The following MFGE8 variants were observed in gnomAD, a reference collection of about 807,000 sequenced individuals.
MFGE8 encodes the protein milk fat globule EGF and factor V/VIII domain containing.
MFGE8 carries 34 observed loss-of-function variants against 42.6 expected under a neutral mutation model. That is an observed-to-expected ratio of 0.80 (90% CI 0.61 to 1.06). MFGE8 has a LOEUF of 1.06. Among genes scored for constraint, MFGE8 ranks in the 50% least tolerant of loss-of-function variants. MFGE8 has a pLI of 0.00. For missense variants in MFGE8, 510 were observed against 516.9 expected (o/e 0.99, Z 0.13); for synonymous variants, 230 against 214.8 (o/e 1.07, Z -0.62).
In MFGE8 at chr15:88,899,085, C is replaced by T; in HGVS notation, c.*310G>A. The T allele has an allele frequency of 2.2e-6, 1 of 463,416 alleles. No individual in the cohort carries two copies. The highest frequency in any genetic ancestry group is 2.2e-5 in the South Asian group (1 of 45,566). 28.7% of individuals were successfully genotyped at this position (463,416 alleles called of 1,614,324 possible). A position where few individuals can be genotyped will look rare whatever the true frequency, so the allele number is the denominator to read the frequency against. Reference sequence around the variant, plus strand: ...ACGCACCTGGGATCGGCGGTCCGGACAGGGGCAGGGAAACCACACGCCCTA... The same window carrying T: ...ACGCACCTGGGATCGGCGGTCCGGATAGGGGCAGGGAAACCACACGCCCTA... On this transcript the variant is annotated 3_prime_UTR_variant, in exon 8 of 8. Coordinates refer to ENST00000268150, the MANE Select transcript of MFGE8 (RefSeq NM_005928.4). The surrounding 1 kb of genome is among the most constrained non-coding windows in gnomAD (Gnocchi z 6.8).
At chr15:88,912,632 G>C (rs943862370) in intron 1 of MFGE8, 13 of 985,256 alleles carry the variant, frequency 1.3e-5, no homozygotes, top group Non-Finnish European at 1.6e-5. Flanking sequence ...AAGGCCGCGG[G>C]AGGGAGGGAG....
chr15:88,911,945 C>CTATT (rs1898979582), intron 1 of MFGE8, among the ~76,000 whole-genome samples: 1 of 152,092 alleles, frequency 6.6e-6, no homozygotes, highest in African/African-American at 2.4e-5. Flanking sequence ...CTTTAAATAG[C>CTATT]AGGTAATCCT....
intron 1 of MFGE8, chr15:88,912,585 A>T (rs1899017413): frequency 1.0e-6 from 1 of 985,106 alleles, no homozygotes; most frequent in African/African-American, 1.7e-5. Flanking sequence ...GCCTCCTGGG[A>T]GGCGGAGGAG....
chr15:88,905,200 T>C lies in MFGE8; in HGVS notation c.685+557A>G, dbSNP rs561597373. Among the ~76,000 whole-genome samples, 4 of 152,314 alleles carry C rather than the reference T, an allele frequency of 2.6e-5. No individual in the cohort carries two copies. Among genetic ancestry groups the C allele is most frequent in the African/African-American group, 9.6e-5 (4 of 41,566 alleles). ...TCTGGAGTGCAGACTCTTAAGAGTTTGGCAGGGAAAGCTCTGGATGGGTGT... is the reference window on the plus strand; with the variant it reads ...TCTGGAGTGCAGACTCTTAAGAGTTCGGCAGGGAAAGCTCTGGATGGGTGT... On this transcript the variant is annotated intron_variant, in intron 5 of 7. Coordinates refer to ENST00000268150, the MANE Select transcript of MFGE8 (RefSeq NM_005928.4). The surrounding 1 kb of genome is among the most constrained non-coding windows in gnomAD (Gnocchi z 6.6).
chr15:88,901,837 C>A, intron 5 of MFGE8, 102 bp from the exon 6 acceptor site: 6 of 1,155,352 alleles, frequency 5.2e-6, no homozygotes, highest in Non-Finnish European at 7.6e-6. Context: ...TCCTGACCAG[C>A]CCCTGTCATG....
intron 2 of MFGE8, among the ~76,000 whole-genome samples, chr15:88,909,249 C>T (rs983667026): frequency 6.6e-6 from 1 of 152,352 alleles, no homozygotes; most frequent in East Asian, 1.9e-4. Context: ...AGGCCTCTGA[C>T]CACCTGACCG....
intron 5 of MFGE8, chr15:88,901,943 G>A (rs1010137256): frequency 1.7e-5 from 10 of 602,666 alleles, no homozygotes; most frequent in African/African-American, 3.6e-5. Context: ...TCAACCAGCC[G>A]GGCTCAGCTC....
chr15:88,899,262 C>T lies in MFGE8; in HGVS notation c.*133G>A. On this transcript the variant is annotated 3_prime_UTR_variant, in exon 8 of 8. Transcript: ENST00000268150. The surrounding 1 kb of genome is among the most constrained non-coding windows in gnomAD (Gnocchi z 6.8). Reference sequence around the variant, plus strand: ...GTGGGAAAGAGGGAGGGAGGGGTGACTGTGTGGTGGTGCTGCCTCTGAACA... The same window carrying T: ...GTGGGAAAGAGGGAGGGAGGGGTGATTGTGTGGTGGTGCTGCCTCTGAACA... 1 of 1,219,898 alleles carries T rather than the reference C, an allele frequency of 8.2e-7. No homozygotes were observed. Among genetic ancestry groups the T allele is most frequent in the Non-Finnish European group, 1.2e-6 (1 of 863,188 alleles). The allele number at this position is 1,219,898 out of a possible 1,614,324, so 75.6% of individuals were successfully genotyped here. A position where few individuals can be genotyped will look rare whatever the true frequency, so the allele number is the denominator to read the frequency against.
At chr15:88,913,152 T>C (rs1311318293) in intron 1 of MFGE8, 95 bp downstream of exon 1, 2 of 1,442,762 alleles carry the variant, frequency 1.4e-6, no homozygotes, top group Non-Finnish European at 1.8e-6. Flanking sequence ...TTGTCTAAGT[T>C]TGTCAACAGT....
chr15:88,908,779 G>T (rs1898818410), intron 2 of MFGE8, among the ~76,000 whole-genome samples: 1 of 152,122 alleles, frequency 6.6e-6, no homozygotes, highest in African/African-American at 2.4e-5. Flanking sequence ...AACACATCTG[G>T]CCTCAGGGCA....
chr15:88,913,330 C>G lies in MFGE8; in HGVS notation c.-11G>C. ...GCGGGGGCGCGGCATGCTGCGGGGA[C>G]GCGGGCGCTGGAATGGGCACGCTGG... On this transcript the variant is annotated 5_prime_UTR_variant, in exon 1 of 8. Coordinates refer to ENST00000268150, the MANE Select transcript of MFGE8 (RefSeq NM_005928.4). The G allele has an allele frequency of 7.0e-7, 1 of 1,431,982 alleles. No individual in the cohort carries two copies. The allele number at this position is 1,431,982 out of a possible 1,614,324, so 88.7% of individuals were successfully genotyped here.
At position 88,905,646 on chromosome 15, in the gene MFGE8, G is replaced by A; in HGVS notation, c.685+111C>T. ...TGCCCGAGTGAAGCCTGGTCCCCGT[G>A]CCTTGTTGCTGCCCTACCTAGCTCA... On this transcript the variant is annotated intron_variant, in intron 5 of 7. Transcript: ENST00000268150. This position sits in a 1 kb window ranked among gnomAD's most constrained non-coding sequence, Gnocchi z 6.6. The A allele has an allele frequency of 6.9e-7, 1 of 1,452,634 alleles. No homozygotes were observed. Among genetic ancestry groups the A allele is most frequent in the African/African-American group, 1.4e-5 (1 of 71,942 alleles). The allele number at this position is 1,452,634 out of a possible 1,614,324, so 90.0% of individuals were successfully genotyped here.
At position 88,906,275 on chromosome 15, in the gene MFGE8, G is replaced by A. The variant is rs527573031; in HGVS notation, c.540+351C>T. On this transcript the variant is annotated intron_variant, in intron 4 of 7. Coordinates refer to ENST00000268150, the MANE Select transcript of MFGE8 (RefSeq NM_005928.4). This position sits in a 1 kb window ranked among gnomAD's most constrained non-coding sequence, Gnocchi z 4.2. Reference sequence around the variant, plus strand: ...AATGTACAATGCCTGTACTGTGAATGGTGCCTGCTTAGCAATGACATCCTT... The same window carrying A: ...AATGTACAATGCCTGTACTGTGAATAGTGCCTGCTTAGCAATGACATCCTT... 1 of 451,034 alleles carries A rather than the reference G, an allele frequency of 2.2e-6. No individual in the cohort carries two copies. Among genetic ancestry groups the A allele is most frequent in the Admixed American group, 3.4e-5 (1 of 29,202 alleles). 27.9% of individuals were successfully genotyped at this position (451,034 alleles called of 1,614,324 possible).
In MFGE8 at chr15:88,905,956, C is replaced by G; in HGVS notation, c.541-55G>C. 1 of 1,601,980 alleles carries G rather than the reference C, an allele frequency of 6.2e-7. No homozygotes were observed. The highest frequency in any genetic ancestry group is 8.6e-7 in the Non-Finnish European group (1 of 1,169,408). The stretch of plus-strand genomic sequence containing the variant: ...GGGGTCCATCTGAGCAGTCCCCCTC[C>G]CTGGGGTTACCTCATCTTCCTCTTC... On this transcript the variant is annotated intron_variant, in intron 4 of 7. Coordinates refer to ENST00000268150, the MANE Select transcript of MFGE8 (RefSeq NM_005928.4). This position sits in a 1 kb window ranked among gnomAD's most constrained non-coding sequence, Gnocchi z 6.6.
chr15:88,904,359 GTGCACACA>G (rs111406504), intron 5 of MFGE8: 14,438 of 152,350 alleles, frequency 0.095, 784 homozygotes, highest in South Asian at 0.21. Flanking sequence ...ACATGCACAC[GTGCACACA>G]TGCACACATG....
intron 2 of MFGE8, among the ~76,000 whole-genome samples, chr15:88,909,251 ACCTGACCGCGTGGG>A (rs1898843476): frequency 6.6e-6 from 1 of 152,094 alleles, no homozygotes; most frequent in South Asian, 2.1e-4. Flanking sequence ...GCCTCTGACC[ACCTGACCGCGTGGG>A]GATGGTTCAG....
intron 2 of MFGE8, among the ~76,000 whole-genome samples, chr15:88,908,878 C>G (rs1352400822): frequency 6.6e-6 from 1 of 152,192 alleles, no homozygotes; most frequent in East Asian, 1.9e-4. Flanking sequence ...CCTGCTGCCA[C>G]CCAGCTGGCT....
Position 88,902,135 on chromosome 15 carries a change from C to G in MFGE8, c.686-400G>C. 1 of 262,656 alleles carries G rather than the reference C, an allele frequency of 3.8e-6. No homozygotes were observed. Among genetic ancestry groups the G allele is most frequent in the East Asian group, 8.6e-5 (1 of 11,578 alleles). 16.3% of individuals were successfully genotyped at this position (262,656 alleles called of 1,614,324 possible). A position where few individuals can be genotyped will look rare whatever the true frequency, so the allele number is the denominator to read the frequency against. ...CCTCTTCTGGACTCACAGCACTGCC[C>G]CCATCGCCTCGGCCTCCCATCCGTC... On this transcript the variant is annotated intron_variant, in intron 5 of 7. Coordinates refer to ENST00000268150, the MANE Select transcript of MFGE8 (RefSeq NM_005928.4). The surrounding 1 kb of genome is among the most constrained non-coding windows in gnomAD (Gnocchi z 4.3).
chr15:88,911,298 C>T (rs1467064517), intron 1 of MFGE8, among the ~76,000 whole-genome samples: 2 of 152,202 alleles, frequency 1.3e-5, no homozygotes, highest in South Asian at 4.1e-4. Context: ...AACAGGAGGG[C>T]CTGTCCTCAA....
Sources: allele counts gnomAD v4.1 joint callset (sites outside exome capture counted in the v4.1 genomes callset), GRCh38; gene constraint gnomAD v4.1.1; non-coding constraint Gnocchi (gnomAD v3.1); transcripts MANE v1.5; gene names NCBI Gene and HGNC (gene_info 2026-07-23, HGNC 2026-07-21).